The following KLC4 variants were observed in gnomAD, a reference collection of about 807,000 sequenced individuals.
KLC4 encodes the protein kinesin light chain 4.
A neutral mutation model predicts 77.2 loss-of-function variants in KLC4; 49 were observed. The ratio of observed to expected loss-of-function variants is 0.63; its 90% confidence interval spans 0.50 to 0.80. The LOEUF is 0.80. KLC4 is among the 30% of genes least tolerant of loss of function. KLC4 has a pLI of 0.00. For missense variants in KLC4, 669 were observed against 793.5 expected (o/e 0.84, Z 1.89); for synonymous variants, 274 against 314.5 (o/e 0.87, Z 1.36).
chr6:43,072,249 G>T lies in KLC4; in HGVS notation c.1482G>T (p.Arg494=), dbSNP rs1036434768. 1 of 1,613,406 alleles carries T rather than the reference G, an allele frequency of 6.2e-7. No homozygotes were observed. Among genetic ancestry groups the T allele is most frequent in the Non-Finnish European group, 8.5e-7 (1 of 1,179,482 alleles). ...TGGAGGAATGTGCCCTGCGGTCCCG[G>T]AGACAGGTCAGAAGCCCAGAGGGGA... ...ETLEECALRS[R]RQGTDPISQT... The change falls in exon 12 of 16, where the codon CGG becomes CGT. Residue 494 remains arginine (R), a synonymous_variant. Coordinates refer to ENST00000347162, the MANE Select transcript of KLC4 (RefSeq NM_201521.3).
chr6:43,071,355 G>C lies in KLC4; in HGVS notation c.1236G>C (p.Gln412His), dbSNP rs1765714376. The C allele has an allele frequency of 1.9e-6, 3 of 1,613,362 alleles. No individual in the cohort carries two copies. Among genetic ancestry groups the C allele is most frequent in the Non-Finnish European group, 2.5e-6 (3 of 1,179,428 alleles). ...YKEILTRAHV[Q>H]EFGSVDDDHK... The stretch of plus-strand genomic sequence containing the variant: ...AGATCCTGACCCGTGCCCATGTACA[G>C]GAGTTTGGGTCTGTGGATGGTGAGT... The change falls in exon 9 of 16, where the codon CAG (glutamine) becomes CAC (histidine). Residue 412 changes from glutamine (Q) to histidine (H), a missense_variant. Gln to His is a conservative substitution (Grantham distance 24). Coordinates refer to ENST00000347162, the MANE Select transcript of KLC4 (RefSeq NM_201521.3).
At chr6:43,073,879 A>C in intron 14 of KLC4, 23 bp from the exon 15 acceptor site, 1 of 1,613,070 alleles carries the variant, frequency 6.2e-7, no homozygotes, top group Non-Finnish European at 8.5e-7. Flanking sequence ...AGGAGGCCTC[A>C]ATTCTTCCGT....
Position 43,063,147 on chromosome 6 carries a change from G to T in KLC4, c.489G>T (p.Ser163=). Residue 163 remains serine, a splice_region_variant and synonymous_variant, in exon 3 of 16, where the codon TCG becomes TCT. Transcript: ENST00000347162. The stretch of plus-strand genomic sequence containing the variant: ...AGTATGATGAGGATGGACATACCTC[G>T]GTGAGTGTGCACAGGCGAGACTGGC... ...LRQYDEDGHT[S]EEKEGDATKD... The T allele has an allele frequency of 6.2e-7, 1 of 1,609,578 alleles. No individual in the cohort carries two copies. The highest frequency in any genetic ancestry group is 8.5e-7 in the Non-Finnish European group (1 of 1,176,312).
chr6:43,062,606 C>T, intron 2 of KLC4: 1 of 400,514 alleles, frequency 2.5e-6, no homozygotes, highest in Admixed American at 3.9e-5. Context: ...GTGATGTGGT[C>T]TAACTTGGCA....
chr6:43,071,396 A>G, intron 9 of KLC4, 22 bp downstream of exon 9: 1 of 1,589,910 alleles, frequency 6.3e-7, no homozygotes, highest in Non-Finnish European at 8.6e-7. Context: ...GGGCCTGGGG[A>G]AGGGGCTGTG....
At chr6:43,060,158 C>A in intron 1 of KLC4, 1 of 1,610,228 alleles carries the variant, frequency 6.2e-7, no homozygotes, top group South Asian at 1.1e-5. Context: ...AGGCACCCTA[C>A]GGTGATTCCT....
intron 5 of KLC4, among the ~76,000 whole-genome samples, 156 bp from the exon 6 acceptor site, chr6:43,066,840 G>A (rs926050800): frequency 6.6e-6 from 1 of 152,150 alleles, no homozygotes; most frequent in Non-Finnish European, 1.5e-5. Context: ...TCTGGTATGA[G>A]TATGTCAGTG....
chr6:43,071,681 T>TC, intron 10 of KLC4, 62 bp downstream of exon 10: 1 of 1,547,362 alleles, frequency 6.5e-7, no homozygotes, highest in Non-Finnish European at 8.9e-7. Flanking sequence ...TCTGTCTTAC[T>TC]CCTTGCATTA....
At chr6:43,068,356 C>T (rs1373505734) in intron 6 of KLC4, among the ~76,000 whole-genome samples, 13 of 150,574 alleles carry the variant, frequency 8.6e-5, no homozygotes, top group African/African-American at 3.2e-4. Context: ...CTTGTAATCC[C>T]AGCTACTCAG....
Position 43,070,830 on chromosome 6 carries a change from G to C in KLC4, c.1120G>C (p.Asp374His). 1 of 1,572,664 alleles carries C rather than the reference G, an allele frequency of 6.4e-7. No homozygotes were observed. Among genetic ancestry groups the C allele is most frequent in the Non-Finnish European group, 8.7e-7 (1 of 1,155,508 alleles). ...LAIYEGQLGP[D>H]NPNVARTKNN... is the part of the protein sequence containing the mutation. ...CATCTACGAGGGGCAGCTGGGGCCGGACAACCCTAATGTAGCCCGGACCAA... is the reference window on the plus strand; with the variant it reads ...CATCTACGAGGGGCAGCTGGGGCCGCACAACCCTAATGTAGCCCGGACCAA... Residue 374 changes from aspartate (D) to histidine (H), a missense_variant, in exon 8 of 16, where the codon GAC becomes CAC. Asp to His is a moderately conservative substitution (Grantham distance 81). Coordinates refer to ENST00000347162, the MANE Select transcript of KLC4 (RefSeq NM_201521.3).
intron 1 of KLC4, chr6:43,060,271 C>T: frequency 1.2e-6 from 2 of 1,613,984 alleles, no homozygotes; most frequent in Non-Finnish European, 1.7e-6. Context: ...AGACACGCCT[C>T]TTGCTGTAGG....
At chr6:43,063,825 A>G (rs1044821393) in intron 3 of KLC4, among the ~76,000 whole-genome samples, 1 of 152,040 alleles carries the variant, frequency 6.6e-6, no homozygotes, top group African/African-American at 2.4e-5. Flanking sequence ...AAGTGCTGGG[A>G]TTACAGGTGT....
rs779895848 is a variant in KLC4 at position 43,066,511 on chromosome 6, T to C, written c.777T>C (p.Leu259=). The change falls in exon 5 of 16, where the codon CTT becomes CTC. Residue 259 remains leucine (L), a synonymous_variant. Transcript: ENST00000347162. The stretch of plus-strand genomic sequence containing the variant: ...ATGTCGCCACCATGCTCAACATCCT[T>C]GCTTTGGTGTATCGGTGAGGACTTC... ...HPDVATMLNI[L]ALVYRDQNKY... 18 of 1,612,706 alleles carry C rather than the reference T, an allele frequency of 1.1e-5. No individual in the cohort carries two copies. Among genetic ancestry groups the C allele is most frequent in the Non-Finnish European group, 1.5e-5 (18 of 1,179,166 alleles).
At chr6:43,070,491 T>C (rs776798042) in intron 7 of KLC4, 36 bp downstream of exon 7, 1 of 1,545,190 alleles carries the variant, frequency 6.5e-7, no homozygotes, top group Non-Finnish European at 8.9e-7. Context: ...CTCTTGTCGC[T>C]GTGACCCTTC....
At chr6:43,071,221 G>C in intron 8 of KLC4, 54 bp from the exon 9 acceptor site, 2 of 677,820 alleles carry the variant, frequency 3.0e-6, no homozygotes, top group Non-Finnish European at 4.8e-6. Context: ...AAAAAAAAAA[G>C]ACCTTGCCTC....
chr6:43,066,624 C>T, intron 5 of KLC4, 99 bp downstream of exon 5: 1 of 1,006,994 alleles, frequency 9.9e-7, no homozygotes, highest in East Asian at 2.5e-5. Context: ...TACCTCTCCT[C>T]CCTGTTGGGC....
At chr6:43,059,907 G>C in intron 1 of KLC4, 1 of 1,251,090 alleles carries the variant, frequency 8.0e-7, no homozygotes, top group Non-Finnish European at 1.0e-6. Context: ...TGACCTCGGG[G>C]TCGTTAGGCC....
intron 7 of KLC4, 24 bp downstream of exon 7, chr6:43,070,479 T>C: frequency 1.3e-6 from 2 of 1,575,790 alleles, no homozygotes; most frequent in East Asian, 2.2e-5. Context: ...CTCTCCCTTC[T>C]TCTCTTGTCG....
At position 43,065,711 on chromosome 6, in the gene KLC4, C is replaced by T. The variant is rs780606778; in HGVS notation, c.571+10C>T. ...GACCCCAGCAATGGCTGTGAGTCTG[C>T]CTCTGGAATGGGAGGGTGAAAAGGG... is the stretch of plus-strand genomic sequence containing the variant. On this transcript the variant is annotated intron_variant, in intron 4 of 15. Coordinates refer to ENST00000347162, the MANE Select transcript of KLC4 (RefSeq NM_201521.3). 5 of 1,601,774 alleles carry T rather than the reference C, an allele frequency of 3.1e-6. No individual in the cohort carries two copies. The Admixed American group carries it at 8.3e-5, about 27-fold the overall frequency.
Sources: gnomAD v4.1 joint callset for allele counts (sites outside exome capture counted in the v4.1 genomes callset) on GRCh38, gnomAD v4.1.1 for gene constraint, MANE v1.5 for transcripts, NCBI Gene and HGNC (gene_info 2026-07-23, HGNC 2026-07-21) for gene names.